Variants in LARS2 observed in about 807,000 individuals in gnomAD.
The protein encoded by LARS2 is leucyl-tRNA synthetase 2, mitochondrial.
A neutral mutation model predicts 116.6 loss-of-function variants in LARS2; 81 were observed. That is an observed-to-expected ratio of 0.69 (90% CI 0.58 to 0.84). The LOEUF (loss-of-function observed/expected upper bound fraction) is 0.84. Among genes scored for constraint, LARS2 ranks in the 40% least tolerant of loss-of-function variants. The probability of loss-of-function intolerance (pLI) is 0.00; values close to 1 mark genes in which losing one functional copy is unlikely to be tolerated. For missense variants in LARS2, 968 were observed against 1,114.5 expected (o/e 0.87, Z 1.87); for synonymous variants, 396 against 407.2 (o/e 0.97, Z 0.33).
intron 6 of LARS2, among the ~76,000 whole-genome samples, chr3:45,427,486 C>G (rs901375872): frequency 5.3e-5 from 8 of 152,186 alleles, no homozygotes; most frequent in African/African-American, 9.7e-5. Context: ...ACAGGCCCAT[C>G]ATCAATTCTT....
At chr3:45,518,695 T>C (rs1173187865) in intron 18 of LARS2, among the ~76,000 whole-genome samples, 2 of 152,136 alleles carry the variant, frequency 1.3e-5, no homozygotes, top group Non-Finnish European at 2.9e-5. Context: ...GTCATTGTAA[T>C]GGGTATCTGA....
chr3:45,411,508 CAAG>C (rs1285961187), intron 4 of LARS2, among the ~76,000 whole-genome samples: 1 of 152,194 alleles, frequency 6.6e-6, no homozygotes, highest in Non-Finnish European at 1.5e-5. Flanking sequence ...TCCAGCCTTC[CAAG>C]AAGATTTGTG....
chr3:45,403,058 T>C (rs982159105), intron 4 of LARS2, among the ~76,000 whole-genome samples: 2 of 131,552 alleles, frequency 1.5e-5, no homozygotes, highest in East Asian at 4.6e-4. Flanking sequence ...TGAGCCAAGA[T>C]CATGCCATTG....
intron 16 of LARS2, among the ~76,000 whole-genome samples, chr3:45,513,629 C>A (rs1323307724): frequency 6.6e-6 from 1 of 152,298 alleles, no homozygotes; most frequent in East Asian, 1.9e-4. Context: ...CCAACATGTT[C>A]TAGTGGCACA....
At chr3:45,488,643 T>G in intron 11 of LARS2, 54 bp from the exon 12 acceptor site, 1 of 1,075,704 alleles carries the variant, frequency 9.3e-7, no homozygotes, top group Non-Finnish European at 1.4e-6. Context: ...GTCAGTTGTT[T>G]TGTGATTTGG....
intron 15 of LARS2, among the ~76,000 whole-genome samples, chr3:45,512,686 G>A (rs2125750309): frequency 6.6e-6 from 1 of 152,226 alleles, no homozygotes; most frequent in Non-Finnish European, 1.5e-5. Flanking sequence ...TATGTGGATA[G>A]GTACACATTT....
At chr3:45,503,066 G>A (rs726137) in intron 15 of LARS2, among the ~76,000 whole-genome samples, 132,626 of 151,408 alleles carry the variant, frequency 0.88, 60,691 homozygotes, top group East Asian at 1. Context: ...TTTTTTTTTT[G>A]TAGGAACTCT....
chr3:45,454,207 G>A (rs1559474373), intron 7 of LARS2, among the ~76,000 whole-genome samples: 3 of 152,166 alleles, frequency 2.0e-5, no homozygotes, highest in Non-Finnish European at 4.4e-5. Context: ...CCCCAAGGGA[G>A]CCCAAAGTCA....
chr3:45,458,949 T>C, intron 8 of LARS2, 63 bp downstream of exon 8: 1 of 1,547,336 alleles, frequency 6.5e-7, no homozygotes, highest in South Asian at 1.1e-5. Context: ...CACCAAAGGC[T>C]TCTGGGTATG....
At chr3:45,513,856 A>G (rs775232108) in intron 16 of LARS2, among the ~76,000 whole-genome samples, 13 of 152,114 alleles carry the variant, frequency 8.5e-5, no homozygotes, top group East Asian at 1.9e-4. Context: ...TTCAGGTGCC[A>G]TGGTGAGGAT....
intron 12 of LARS2, among the ~76,000 whole-genome samples, chr3:45,491,051 A>C (rs1011516545): frequency 6.6e-6 from 1 of 152,186 alleles, no homozygotes; most frequent in African/African-American, 2.4e-5. Flanking sequence ...AGTAGTCATT[A>C]AAAATCCATA....
chr3:45,446,031 A>G (rs1341450343), intron 6 of LARS2, among the ~76,000 whole-genome samples: 1 of 152,228 alleles, frequency 6.6e-6, no homozygotes, highest in Non-Finnish European at 1.5e-5. Flanking sequence ...GCACAATCAC[A>G]CCACTGCACT....
intron 7 of LARS2, among the ~76,000 whole-genome samples, chr3:45,453,039 T>C (rs1287056070): frequency 6.6e-6 from 1 of 152,174 alleles, no homozygotes; most frequent in Non-Finnish European, 1.5e-5. Context: ...TGTGATTTTA[T>C]TTATTTGGCT....
In LARS2 at chr3:45,392,574, C is replaced by T. The variant is rs74329574; in HGVS notation, c.-22+926C>T. The stretch of plus-strand genomic sequence containing the variant: ...CCTCCCAGAATGCTGGTGTTACAGA[C>T]GTGAACCATTGCCCGTGGCCTAAGA... On this transcript the variant is annotated intron_variant, in intron 2 of 21. Coordinates refer to ENST00000645846, the MANE Select transcript of LARS2 (RefSeq NM_015340.4). Among the ~76,000 whole-genome samples, 282 of 152,198 alleles carry T rather than the reference C, an allele frequency of 1.9e-3. 10 individuals are homozygous for T. In the East Asian group the frequency reaches 0.043, roughly 23 times the overall value.
chr3:45,415,869 A>G, intron 4 of LARS2, among the ~76,000 whole-genome samples: 1 of 132,276 alleles, frequency 7.6e-6, no homozygotes, highest in Non-Finnish European at 1.5e-5. Context: ...AAATATATAT[A>G]TATATATAGA....
intron 8 of LARS2, among the ~76,000 whole-genome samples, chr3:45,464,402 T>C (rs1246064484): frequency 1.3e-5 from 2 of 152,190 alleles, no homozygotes; most frequent in African/African-American, 2.4e-5. Flanking sequence ...GGGATACTTA[T>C]GAAAGCATTT....
intron 20 of LARS2, among the ~76,000 whole-genome samples, chr3:45,534,107 A>G (rs1192294478): frequency 6.6e-6 from 1 of 152,198 alleles, no homozygotes; most frequent in Non-Finnish European, 1.5e-5. Context: ...TTACAGATCT[A>G]TAGCAACTCA....
chr3:45,414,636 G>A (rs138096549), intron 4 of LARS2, among the ~76,000 whole-genome samples: 2,107 of 152,088 alleles, frequency 0.014, 34 homozygotes, highest in African/African-American at 0.048. Flanking sequence ...TTGGGAGGGA[G>A]AAGGATAGCT....
At chr3:45,504,008 A>G (rs938277184) in intron 15 of LARS2, among the ~76,000 whole-genome samples, 1 of 152,048 alleles carries the variant, frequency 6.6e-6, no homozygotes, top group Non-Finnish European at 1.5e-5. Flanking sequence ...TATTGCATAC[A>G]TGTCCTTTGC....
Sources: gnomAD v4.1 joint callset for allele counts (sites outside exome capture counted in the v4.1 genomes callset) on GRCh38, gnomAD v4.1.1 for gene constraint, MANE v1.5 for transcripts, NCBI Gene and HGNC (gene_info 2026-07-23, HGNC 2026-07-21) for gene names.